Variants in ZFPM2 observed in about 807,000 individuals in gnomAD.
ZFPM2 encodes the protein zinc finger protein ZFPM2.
Under a neutral mutation model 98.6 loss-of-function variants are expected in ZFPM2, and 20 were observed. The observed-to-expected ratio is 0.20, with a 90% CI of 0.14 to 0.29. The LOEUF is 0.29. Among genes scored for constraint, ZFPM2 ranks in the 10% least tolerant of loss-of-function variants. The pLI is 1.00. For synonymous variants in ZFPM2, 518 were observed against 502.7 expected, an observed-to-expected ratio of 1.03 and a Z score of -0.41; for missense variants, 1,310 against 1,388.6, an observed-to-expected ratio of 0.94 and a Z score of 0.90.
At chr8:105,620,895 C>A (rs1816526185) in intron 4 of ZFPM2, among the ~76,000 whole-genome samples, 1 of 152,110 alleles carries the variant, frequency 6.6e-6, no homozygotes, top group African/African-American at 2.4e-5. Flanking sequence ...GTCTATATCT[C>A]TGTTTTGGTA....
At chr8:105,541,004 G>C (rs1398102441) in intron 3 of ZFPM2, among the ~76,000 whole-genome samples, 1 of 152,004 alleles carries the variant, frequency 6.6e-6, no homozygotes, top group African/African-American at 2.4e-5. Context: ...TGGCAGTTTT[G>C]GTAGTTGTAT....
At chr8:105,710,559 G>T (rs1256706695) in intron 5 of ZFPM2, among the ~76,000 whole-genome samples, 1 of 151,994 alleles carries the variant, frequency 6.6e-6, no homozygotes, top group Non-Finnish European at 1.5e-5. Flanking sequence ...CAATGAGAAA[G>T]AAATTATCTT....
At chr8:105,345,556 AACGTAT>A (rs1236860752) in intron 1 of ZFPM2, among the ~76,000 whole-genome samples, 2 of 151,290 alleles carry the variant, frequency 1.3e-5, no homozygotes, top group African/African-American at 4.8e-5. Context: ...TGCTTCCTTA[AACGTAT>A]GGAAGCTCTT....
chr8:105,683,443 A>G (rs1436268236), intron 5 of ZFPM2, among the ~76,000 whole-genome samples: 1 of 152,168 alleles, frequency 6.6e-6, no homozygotes, highest in African/African-American at 2.4e-5. Context: ...GGGAGGATAC[A>G]AAGTAGAGAA....
intron 4 of ZFPM2, among the ~76,000 whole-genome samples, chr8:105,622,740 C>G (rs1816577571): frequency 6.6e-6 from 1 of 152,046 alleles, no homozygotes; most frequent in Admixed American, 6.6e-5. Flanking sequence ...AGACAAGTGA[C>G]TTGGGCACTT....
At position 105,798,839 on chromosome 8, in the gene ZFPM2, G is replaced by T. The variant is rs1813912989; in HGVS notation, c.855G>T (p.Glu285Asp). ...GRQREAAPVSEENEDSAHQIS... is the reference protein window; with the variant it reads ...GRQREAAPVSDENEDSAHQIS... ...AAAGAGAAGCTGCTCCGGTGTCAGA[G>T]GAAAATGAAGACAGTGCCCATCAGA... Residue 285 changes from glutamate (E) to aspartate (D), a missense_variant, in exon 7 of 8, where the codon GAG becomes GAT. Physicochemically the swap from Glu to Asp is conservative, Grantham distance 45. Transcript: ENST00000407775. 1.2e-6 allele frequency: 2 copies of T among 1,613,866 alleles called. No homozygotes were observed. Among genetic ancestry groups the T allele is most frequent in the African/African-American group, 2.7e-5 (2 of 74,918 alleles).
At chr8:105,391,110 A>G (rs1811098617) in intron 1 of ZFPM2, among the ~76,000 whole-genome samples, 1 of 152,150 alleles carries the variant, frequency 6.6e-6, no homozygotes, top group African/African-American at 2.4e-5. Context: ...CAGATATTGC[A>G]TTTTATACAA....
chr8:105,658,140 A>G (rs1210871340), intron 5 of ZFPM2, among the ~76,000 whole-genome samples: 1 of 152,204 alleles, frequency 6.6e-6, no homozygotes, highest in Admixed American at 6.5e-5. Flanking sequence ...GTTTTTATTG[A>G]AAGAGTCTGG....
chr8:105,612,549 A>AT (rs1411189257), intron 4 of ZFPM2, among the ~76,000 whole-genome samples: 3 of 152,116 alleles, frequency 2.0e-5, no homozygotes, highest in Admixed American at 6.5e-5. Context: ...TTTCACACAA[A>AT]TTTTTTCCTG....
chr8:105,572,608 C>G (rs1272486166), intron 4 of ZFPM2, among the ~76,000 whole-genome samples: 3 of 152,064 alleles, frequency 2.0e-5, no homozygotes, highest in African/African-American at 7.2e-5. Flanking sequence ...GCTGGGATTA[C>G]AGGCATGTAT....
intron 5 of ZFPM2, among the ~76,000 whole-genome samples, chr8:105,742,815 G>A (rs2131036344): frequency 6.6e-6 from 1 of 151,976 alleles, no homozygotes; most frequent in Middle Eastern, 3.4e-3. Context: ...ATTGCTTGAG[G>A]CAGAAGTTGC....
chr8:105,332,964 G>T (rs915851466), intron 1 of ZFPM2, among the ~76,000 whole-genome samples: 3 of 151,716 alleles, frequency 2.0e-5, no homozygotes, highest in African/African-American at 7.3e-5. Context: ...CCATGTTGAA[G>T]AATTTGAACT....
intron 3 of ZFPM2, among the ~76,000 whole-genome samples, chr8:105,534,376 T>TCTTTCCTTC (rs1342307593): frequency 2.1e-5 from 3 of 142,122 alleles, no homozygotes; most frequent in African/African-American, 7.9e-5. Flanking sequence ...TTTCTTCCTT[T>TCTTTCCTTC]CTTTCCTTCC....
chr8:105,591,793 A>G (rs1815850305), intron 4 of ZFPM2, among the ~76,000 whole-genome samples: 1 of 152,178 alleles, frequency 6.6e-6, no homozygotes, highest in Non-Finnish European at 1.5e-5. Context: ...GTATCAGCAC[A>G]ATATTGATAC....
chr8:105,702,679 C>T (rs553539013), intron 5 of ZFPM2, among the ~76,000 whole-genome samples: 8 of 152,300 alleles, frequency 5.3e-5, no homozygotes, highest in Admixed American at 1.3e-4. Context: ...AAAGGGGACA[C>T]GTGTATAAGG....
At chr8:105,601,885 C>G (rs1408288804) in intron 4 of ZFPM2, among the ~76,000 whole-genome samples, 1 of 152,082 alleles carries the variant, frequency 6.6e-6, no homozygotes. Flanking sequence ...ATTAGAATTG[C>G]AGAGTATTTT....
chr8:105,565,966 CTCAG>C (rs1310021129), intron 4 of ZFPM2, among the ~76,000 whole-genome samples: 1 of 152,100 alleles, frequency 6.6e-6, no homozygotes, highest in Non-Finnish European at 1.5e-5. Flanking sequence ...ATCTGCAGTA[CTCAG>C]TCAGATGAGA....
intron 2 of ZFPM2, among the ~76,000 whole-genome samples, chr8:105,443,940 G>C (rs1291211408): frequency 3.3e-5 from 5 of 152,046 alleles, no homozygotes; most frequent in African/African-American, 1.2e-4. Flanking sequence ...GGAAATCAAT[G>C]AGTTAAGTTT....
At chr8:105,746,429 T>C (rs947134874) in intron 5 of ZFPM2, among the ~76,000 whole-genome samples, 33 of 152,068 alleles carry the variant, frequency 2.2e-4, no homozygotes, top group Admixed American at 1.9e-3. Flanking sequence ...GTTAAATATT[T>C]TCTAGTGGGT....
Sources: gnomAD v4.1 joint callset for allele counts (sites outside exome capture counted in the v4.1 genomes callset) on GRCh38, gnomAD v4.1.1 for gene constraint, MANE v1.5 for transcripts, NCBI Gene and HGNC (gene_info 2026-07-23, HGNC 2026-07-21) for gene names.